The following VEPH1 variants were observed in gnomAD, a reference collection of about 807,000 sequenced individuals.
The protein encoded by VEPH1 is ventricular zone expressed PH domain containing 1, also known as ventricular zone-expressed PH domain-containing protein homolog 1.
A neutral mutation model predicts 85.2 loss-of-function variants in VEPH1; 80 were observed. The ratio of observed to expected loss-of-function variants is 0.94; its 90% CI spans 0.78 to 1.13. The LOEUF is 1.13. Ranked by LOEUF, VEPH1 falls within the 50% of genes most tolerant of loss-of-function variation. The pLI, the probability that VEPH1 is intolerant of heterozygous loss-of-function variation, is 0.00. For missense variants in VEPH1, 955 were observed against 980.5 expected (o/e 0.97, Z 0.35); for synonymous variants, 297 against 348.0 (o/e 0.85, Z 1.63).
chr3:157,357,982 G>T (rs910620177), intron 9 of VEPH1, among the ~76,000 whole-genome samples: 2 of 152,178 alleles, frequency 1.3e-5, no homozygotes, highest in African/African-American at 4.8e-5. Context: ...GTGATTTGTT[G>T]TTACACGCCC....
chr3:157,493,351 C>T (rs747115711), intron 2 of VEPH1: 29 of 447,356 alleles, frequency 6.5e-5, no homozygotes, highest in Non-Finnish European at 1.2e-4. Flanking sequence ...TTAGGAGAGG[C>T]CTAGAGAGGA....
chr3:157,392,849 A>G (rs568768869), intron 6 of VEPH1, among the ~76,000 whole-genome samples: 2 of 152,294 alleles, frequency 1.3e-5, no homozygotes, highest in South Asian at 2.1e-4. Context: ...TTGATTGCCT[A>G]TCACTAATTG....
intron 7 of VEPH1, among the ~76,000 whole-genome samples, chr3:157,368,808 A>T (rs534513790): frequency 6.6e-6 from 1 of 152,112 alleles, no homozygotes. Context: ...AGTATTTTTA[A>T]GTGTAGGTAT....
In VEPH1 at chr3:157,261,365, A is replaced by T; in HGVS notation, c.2271T>A (p.Asp757Glu). The T allele has an allele frequency of 6.2e-7, 1 of 1,613,296 alleles. No homozygotes were observed. Among genetic ancestry groups the T allele is most frequent in the Non-Finnish European group, 8.5e-7 (1 of 1,179,510 alleles). The change falls in exon 14 of 14, where the codon GAT (aspartate) becomes GAA (glutamate). Residue 757 changes from aspartate (D) to glutamate (E), a missense_variant. Transcript: ENST00000362010. The part of the protein sequence containing the change: ...QLLFQKGKSK[D>E]DPDDCPIELS... ...GTTCTATTGGGCAGTCGTCAGGGTCATCTTTCTGAAAGGCATGGGAAGAAA... is the reference window on the plus strand; with the variant it reads ...GTTCTATTGGGCAGTCGTCAGGGTCTTCTTTCTGAAAGGCATGGGAAGAAA...
intron 4 of VEPH1, chr3:157,437,762 C>T (rs1197955708): frequency 6.7e-7 from 1 of 1,487,050 alleles, no homozygotes; most frequent in South Asian, 1.3e-5. Flanking sequence ...ACCCGCGACG[C>T]GGGCCGCAGG....
chr3:157,359,722 T>C (rs974857204), intron 9 of VEPH1, among the ~76,000 whole-genome samples: 1 of 152,216 alleles, frequency 6.6e-6, no homozygotes. Context: ...GAGGTTCCTA[T>C]TCATTTAACA....
intron 4 of VEPH1, among the ~76,000 whole-genome samples, chr3:157,454,120 T>C (rs1035189612): frequency 4.4e-4 from 67 of 152,248 alleles, no homozygotes; most frequent in Admixed American, 2.9e-3. Context: ...TTTTAAAATG[T>C]GTGGTGTGTA....
At chr3:157,457,945 G>A (rs1227370690) in intron 4 of VEPH1, among the ~76,000 whole-genome samples, 4 of 152,132 alleles carry the variant, frequency 2.6e-5, no homozygotes, top group Non-Finnish European at 4.4e-5. Flanking sequence ...AATGGTACCA[G>A]CTCTTCTTTG....
intron 13 of VEPH1, among the ~76,000 whole-genome samples, chr3:157,263,018 A>C (rs1713123097): frequency 6.6e-6 from 1 of 152,246 alleles, no homozygotes; most frequent in African/African-American, 2.4e-5. Flanking sequence ...GTCAAAGGAC[A>C]CTATTGCCTA....
intron 2 of VEPH1, among the ~76,000 whole-genome samples, chr3:157,481,460 ACAC>A: frequency 1.2e-5 from 1 of 80,848 alleles, no homozygotes; most frequent in African/African-American, 6.5e-5. Flanking sequence ...ACACACACAC[ACAC>A]ACAAAAAAAA....
intron 9 of VEPH1, among the ~76,000 whole-genome samples, chr3:157,351,351 C>A (rs1435139133): frequency 1.3e-5 from 2 of 152,138 alleles, no homozygotes; most frequent in African/African-American, 4.8e-5. Context: ...GAAGTTGAGG[C>A]AGGAGAATCG....
chr3:157,265,220 A>C (rs1713460983), intron 13 of VEPH1, among the ~76,000 whole-genome samples: 2 of 152,212 alleles, frequency 1.3e-5, no homozygotes, highest in Non-Finnish European at 2.9e-5. Flanking sequence ...ATAAGTCATA[A>C]ATTTGTGTAC....
chr3:157,371,232 C>T (rs963320650), intron 7 of VEPH1, among the ~76,000 whole-genome samples: 1 of 152,150 alleles, frequency 6.6e-6, no homozygotes, highest in African/African-American at 2.4e-5. Flanking sequence ...CATGAGCATA[C>T]AAGAACTGGG....
chr3:157,421,075 C>A (rs1732297968), intron 5 of VEPH1, among the ~76,000 whole-genome samples: 2 of 152,160 alleles, frequency 1.3e-5, no homozygotes, highest in African/African-American at 4.8e-5. Context: ...TGCCTCCTTC[C>A]ATCTGGCAAG....
intron 6 of VEPH1, among the ~76,000 whole-genome samples, chr3:157,397,859 A>T (rs184042635): frequency 6.6e-6 from 1 of 152,324 alleles, no homozygotes; most frequent in East Asian, 1.9e-4. Flanking sequence ...GCACAACCAC[A>T]TGCATTGCTT....
chr3:157,451,024 A>G (rs898569639), intron 4 of VEPH1, among the ~76,000 whole-genome samples: 3 of 152,128 alleles, frequency 2.0e-5, no homozygotes, highest in African/African-American at 7.2e-5. Context: ...ATGGACCTGT[A>G]TTTTTATTTC....
intron 12 of VEPH1, among the ~76,000 whole-genome samples, chr3:157,284,150 C>A (rs966310990): frequency 6.6e-6 from 1 of 152,212 alleles, no homozygotes; most frequent in East Asian, 1.9e-4. Flanking sequence ...TAATCACAAT[C>A]TTGAAACATC....
At chr3:157,299,559 C>CAAAAAAAAAAA (rs10535235) in intron 11 of VEPH1, among the ~76,000 whole-genome samples, 2 of 103,098 alleles carry the variant, frequency 1.9e-5, no homozygotes, top group African/African-American at 7.7e-5. Flanking sequence ...GGCCCTGTCT[C>CAAAAAAAAAAA]AAAAAAAAAA....
intron 6 of VEPH1, among the ~76,000 whole-genome samples, chr3:157,395,285 T>C (rs1392895814): frequency 6.6e-6 from 1 of 152,158 alleles, no homozygotes; most frequent in African/African-American, 2.4e-5. Context: ...GTCCCTTCCA[T>C]AATGGAAGTG....
Sources: gnomAD v4.1 joint callset for allele counts (sites outside exome capture counted in the v4.1 genomes callset) on GRCh38, gnomAD v4.1.1 for gene constraint, MANE v1.5 for transcripts, NCBI Gene and HGNC (gene_info 2026-07-23, HGNC 2026-07-21) for gene names.